The following C1orf52 variants were observed in gnomAD, a reference collection of about 807,000 sequenced individuals.
C1orf52 encodes the protein chromosome 1 open reading frame 52.
In C1orf52, 5 loss-of-function variants were observed where a neutral mutation model predicts 17.2. The ratio of observed to expected loss-of-function variants is 0.29; its 90% CI spans 0.15 to 0.61. C1orf52 has a LOEUF of 0.61. Ranked by LOEUF, C1orf52 falls within the 20% of genes least tolerant of loss-of-function variation. The pLI, the probability that C1orf52 is intolerant of heterozygous loss-of-function variation, is 0.85. For missense variants in C1orf52, 245 were observed against 234.1 expected, an observed-to-expected ratio of 1.05 and a Z score of -0.30; for synonymous variants, 110 against 88.0, an observed-to-expected ratio of 1.25 and a Z score of -1.40.
At chr1:85,259,033 C>A in intron 1 of C1orf52, 1 of 1,314,574 alleles carries the variant, frequency 7.6e-7, no homozygotes. Flanking sequence ...GGCACTTCGG[C>A]GTCAAAGGGA....
Position 85,259,599 on chromosome 1 carries a change from A to G in C1orf52, c.35T>C (p.Phe12Ser). The change falls in exon 1 of 3, where the codon TTT becomes TCT. Residue 12 changes from phenylalanine (F) to serine (S), a missense_variant. By Grantham distance (155) the Phe-to-Ser change is radical. Transcript: ENST00000471115. ...AAEEKDPLSY[F>S]AAYGSSSSGS... ...TGAGCTGCTGCTCCCGTATGCCGCA[A>G]AATAGCTCAGAGGGTCCTTCTCCTC... The G allele has an allele frequency of 6.3e-7, 1 of 1,585,800 alleles. No individual in the cohort carries two copies. Among genetic ancestry groups the G allele is most frequent in the Non-Finnish European group, 8.6e-7 (1 of 1,167,118 alleles).
chr1:85,254,651 A>T (rs1222956352), intron 2 of C1orf52, among the ~76,000 whole-genome samples: 1 of 152,208 alleles, frequency 6.6e-6, no homozygotes, highest in African/African-American at 2.4e-5. Context: ...TCGGCCTCCC[A>T]AAGTGCTGGG....
Position 85,258,586 on chromosome 1 carries a change from T to C in C1orf52, c.413A>G (p.Asp138Gly). The change falls in exon 2 of 3, where the codon GAT becomes GGT. Residue 138 changes from aspartate to glycine, a missense_variant. By Grantham distance (94) the Asp-to-Gly change is moderately conservative (BLOSUM62 -1). Transcript: ENST00000471115. ...WSNIYEDNGD[D>G]APQNAKKARL... is the part of the protein sequence containing the mutation. ...AGCTTTCTTAGCATTCTGTGGAGCA[T>C]CATCACCATTGTCCTCATATATGTT... 1 of 1,614,228 alleles carries C rather than the reference T, an allele frequency of 6.2e-7. No homozygotes were observed. The highest frequency in any genetic ancestry group is 2.2e-5 in the East Asian group (1 of 44,892).
At chr1:85,256,606 T>C (rs553251518) in intron 2 of C1orf52, among the ~76,000 whole-genome samples, 86 of 152,162 alleles carry the variant, frequency 5.7e-4, no homozygotes, top group African/African-American at 2.0e-3. Flanking sequence ...CAGACCATCC[T>C]GGCTAACACG....
intron 2 of C1orf52, chr1:85,257,494 G>T (rs1161557714): frequency 2.8e-6 from 2 of 717,192 alleles, no homozygotes; most frequent in South Asian, 1.5e-5. Context: ...CATTAAAAAT[G>T]ACTGTGGACA....
rs777905367 is a variant in C1orf52, at chr1:85,250,985, T to C, written c.*1644A>G. On this transcript the variant is annotated 3_prime_UTR_variant, in exon 3 of 3. Coordinates refer to ENST00000471115, the MANE Select transcript of C1orf52 (RefSeq NM_198077.4). ...TGCAAACCTGGAGGATGGGCAGCTA[T>C]AGAATTGGTTTTTCTAAACTCGATG... is the stretch of plus-strand genomic sequence containing the variant. 2 of 152,234 alleles carry C rather than the reference T, an allele frequency of 1.3e-5. No individual in the cohort carries two copies. The highest frequency in any genetic ancestry group is 6.5e-5 in the Admixed American group (1 of 15,288). 9.4% of individuals were successfully genotyped at this position (152,234 alleles called of 1,614,324 possible).
intron 1 of C1orf52, 73 bp from the exon 2 acceptor site, chr1:85,258,795 C>T: frequency 7.0e-7 from 1 of 1,433,666 alleles, no homozygotes; most frequent in Admixed American, 2.6e-5. Context: ...ACATGCAACT[C>T]CCTGCCGTTC....
chr1:85,257,621 A>AT, intron 2 of C1orf52: 1 of 632,474 alleles, frequency 1.6e-6, no homozygotes, highest in Non-Finnish European at 2.9e-6. Context: ...GCAGTGAAGG[A>AT]TGGTACAGAT....
chr1:85,259,122 CCG>C, intron 1 of C1orf52: 1 of 1,306,562 alleles, frequency 7.7e-7, no homozygotes, highest in Non-Finnish European at 1.0e-6. Flanking sequence ...GGTCGGGGCA[CCG>C]AGCGCGGAGG....
intron 2 of C1orf52, among the ~76,000 whole-genome samples, chr1:85,254,844 T>G (rs1289059665): frequency 6.6e-6 from 1 of 152,254 alleles, no homozygotes; most frequent in Non-Finnish European, 1.5e-5. Context: ...GCTTTTAATT[T>G]GCCACTTATT....
At chr1:85,253,176 A>G (rs1659842526) in intron 2 of C1orf52, among the ~76,000 whole-genome samples, 2 of 152,360 alleles carry the variant, frequency 1.3e-5, no homozygotes, top group South Asian at 4.1e-4. Context: ...AACAGAAACT[A>G]AGAACTCATG....
intron 2 of C1orf52, among the ~76,000 whole-genome samples, chr1:85,254,705 A>G (rs1425783210): frequency 4.6e-5 from 7 of 152,160 alleles, no homozygotes; most frequent in Non-Finnish European, 1.0e-4. Context: ...TTGCTTTTTA[A>G]CGAGTTAATT....
intron 1 of C1orf52, 130 bp downstream of exon 1, chr1:85,259,228 A>C: frequency 1.0e-6 from 1 of 988,132 alleles, no homozygotes; most frequent in African/African-American, 3.8e-5. Flanking sequence ...TTGAGGTGGG[A>C]GGGGGTGGTG....
Position 85,257,833 on chromosome 1 carries a change from G to A in C1orf52, c.475+691C>T, listed in dbSNP as rs564900915. 9.9e-5 allele frequency among the ~76,000 whole-genome samples: 15 copies of A among 152,272 alleles called. No homozygotes were observed. The South Asian group carries it at 2.1e-3, about 21-fold the overall frequency. On this transcript the variant is annotated intron_variant, in intron 2 of 2. Coordinates refer to ENST00000471115, the MANE Select transcript of C1orf52 (RefSeq NM_198077.4). ...GAAAATGAAGCCTTCGGCCGGGAGC[G>A]GTGGCTCACGCCTGTAAATCCCAAC...
chr1:85,254,606 T>G (rs1338731743), intron 2 of C1orf52, among the ~76,000 whole-genome samples: 6 of 152,186 alleles, frequency 3.9e-5, no homozygotes, highest in African/African-American at 1.4e-4. Context: ...TTAACCAGGA[T>G]GGTCTCTATC....
At position 85,252,185 on chromosome 1, in the gene C1orf52, CAGTAAT is replaced by C. The variant is rs1258831607; in HGVS notation, c.*438_*443del. ...CAAACATTCAAATGTTAATGTTATACAGTAATAGTAATATTGAATAAGTAATTTTAT... is the reference window on the plus strand; with the variant it reads ...CAAACATTCAAATGTTAATGTTATACAGTAATATTGAATAAGTAATTTTAT... On this transcript the variant is annotated 3_prime_UTR_variant, in exon 3 of 3. Coordinates refer to ENST00000471115, the MANE Select transcript of C1orf52 (RefSeq NM_198077.4). 1 of 153,224 alleles carries C rather than the reference CAGTAAT, an allele frequency of 6.5e-6. No individual in the cohort carries two copies. Among genetic ancestry groups the C allele is most frequent in the Non-Finnish European group, 1.5e-5 (1 of 68,532 alleles). The allele number at this position is 153,224 out of a possible 1,614,324, so 9.5% of individuals were successfully genotyped here.
chr1:85,252,752 C>T, intron 2 of C1orf52, 50 bp from the exon 3 acceptor site: 1 of 1,319,350 alleles, frequency 7.6e-7, no homozygotes, highest in Non-Finnish European at 1.1e-6. Flanking sequence ...AAAAACCCAA[C>T]ATGTTAAGCA....
intron 1 of C1orf52, chr1:85,258,977 C>A: frequency 1.5e-6 from 2 of 1,377,774 alleles, no homozygotes; most frequent in South Asian, 1.6e-5. Flanking sequence ...CAAGGCTGAC[C>A]CCTTCAGGAG....
At chr1:85,254,492 C>T (rs1244882496) in intron 2 of C1orf52, among the ~76,000 whole-genome samples, 3 of 151,920 alleles carry the variant, frequency 2.0e-5, no homozygotes, top group African/African-American at 7.2e-5. Flanking sequence ...CCCAGGTTCA[C>T]GCCATTCTCC....
Sources: allele counts gnomAD v4.1 joint callset (sites outside exome capture counted in the v4.1 genomes callset), GRCh38; gene constraint gnomAD v4.1.1; transcripts MANE v1.5; gene names NCBI Gene and HGNC (gene_info 2026-07-23, HGNC 2026-07-21).